MARCO: variants seen among roughly 807,000 people sequenced by gnomAD.
The protein encoded by MARCO is macrophage receptor with collagenous structure, also known as macrophage receptor MARCO.
MARCO carries 72 observed loss-of-function variants against 70.0 expected under a neutral mutation model. That is an observed-to-expected ratio of 1.03 (90% CI 0.85 to 1.25). The LOEUF (loss-of-function observed/expected upper bound fraction) is 1.25, where lower values mean the gene tolerates loss of function less well. Among genes scored for constraint, MARCO ranks in the 50% most tolerant of loss-of-function variants. MARCO has a pLI of 0.00. For synonymous variants in MARCO, 273 were observed against 243.1 expected, an observed-to-expected ratio of 1.12 and a Z score of -1.14; for missense variants, 696 against 659.3, an observed-to-expected ratio of 1.06 and a Z score of -0.61.
chr2:118,945,573 C>T (rs1343619535), intron 1 of MARCO, among the ~76,000 whole-genome samples: 7 of 151,904 alleles, frequency 4.6e-5, no homozygotes, highest in Non-Finnish European at 7.4e-5. Context: ...CCACCATGCC[C>T]GGCTAACTTT....
At chr2:118,994,291 C>A in intron 16 of MARCO, 96 bp from the exon 17 acceptor site, 1 of 1,372,242 alleles carries the variant, frequency 7.3e-7, no homozygotes, top group South Asian at 1.2e-5. Context: ...GTCGGCAGTC[C>A]ACCTCAGATG....
At chr2:118,945,404 C>CTTTTTTTTTTT (rs55684033) in intron 1 of MARCO, among the ~76,000 whole-genome samples, 1 of 123,066 alleles carries the variant, frequency 8.1e-6, no homozygotes, top group Non-Finnish European at 1.7e-5. Flanking sequence ...CCTCTTGTTT[C>CTTTTTTTTTTT]TTTTTTTTTT....
intron 8 of MARCO, among the ~76,000 whole-genome samples, chr2:118,980,501 G>T (rs1187458500): frequency 6.6e-6 from 1 of 152,182 alleles, no homozygotes; most frequent in South Asian, 2.1e-4. Context: ...GAGAAGGCTG[G>T]TGTCATGCCT....
intron 12 of MARCO, among the ~76,000 whole-genome samples, chr2:118,989,274 G>C (rs1680578388): frequency 1.3e-5 from 2 of 152,174 alleles, no homozygotes; most frequent in African/African-American, 2.4e-5. Context: ...CCCTGTGTAA[G>C]CTGGGGCCTG....
In MARCO at chr2:118,974,396, C is replaced by G. The variant is rs142474543; in HGVS notation, c.524C>G (p.Ala175Gly). The change falls in exon 5 of 17, where the codon GCT (alanine) becomes GGT (glycine). Residue 175 changes from alanine (A) to glycine (G), a missense_variant. Ala to Gly is a moderately conservative substitution (Grantham distance 60). Around this residue, in one of 3 missense-constraint regions of MARCO, gnomAD observed 605 missense variants for 537.6 expected, o/e 1.13. Transcript: ENST00000327097. ...GCCCCTGGCCCGCCGGGACCACCTG[C>G]TGAGAAGGGAGCCAAGGGGGCTATG... Reference protein sequence around the residue: ...PGAPGPPGPPAEKGAKGAMGR... With the variant: ...PGAPGPPGPPGEKGAKGAMGR... 8.1e-6 allele frequency: 13 copies of G among 1,612,452 alleles called. No homozygotes were observed. The highest frequency in any genetic ancestry group is 1.1e-5 in the Non-Finnish European group (13 of 1,179,498).
intron 4 of MARCO, among the ~76,000 whole-genome samples, chr2:118,973,542 C>A (rs1016111057): frequency 6.6e-6 from 1 of 152,216 alleles, no homozygotes; most frequent in Non-Finnish European, 1.5e-5. Context: ...CCCTTTCCCA[C>A]CCAGGGAGGC....
intron 12 of MARCO, among the ~76,000 whole-genome samples, chr2:118,983,736 G>C (rs960606294): frequency 2.0e-5 from 3 of 151,856 alleles, no homozygotes; most frequent in African/African-American, 7.3e-5. Context: ...TCTTGCCCCT[G>C]AGCCTTCTGT....
At chr2:118,972,331 T>C (rs902396432) in intron 4 of MARCO, among the ~76,000 whole-genome samples, 1 of 152,210 alleles carries the variant, frequency 6.6e-6, no homozygotes, top group Non-Finnish European at 1.5e-5. Context: ...ATACATGCCA[T>C]TTTTGGGACA....
intron 1 of MARCO, among the ~76,000 whole-genome samples, chr2:118,968,916 A>G (rs1680108302): frequency 6.6e-6 from 1 of 152,260 alleles, no homozygotes; most frequent in South Asian, 2.1e-4. Flanking sequence ...CTTTTCCAGC[A>G]AATGATATAT....
Position 118,942,251 on chromosome 2 carries a change from G to A in MARCO, c.-50G>A, listed in dbSNP as rs1326073833. 2 of 1,240,422 alleles carry A rather than the reference G, an allele frequency of 1.6e-6. No homozygotes were observed. The highest frequency in any genetic ancestry group is 1.5e-5 in the African/African-American group (1 of 67,428). The allele number at this position is 1,240,422 out of a possible 1,614,324, so 76.8% of individuals were successfully genotyped here. A position where few individuals can be genotyped will look rare whatever the true frequency, so the allele number is the denominator to read the frequency against. On this transcript the variant is annotated 5_prime_UTR_variant, in exon 1 of 17. Transcript: ENST00000327097. ...CTTTCTCCAAGTGGTTCCTCTTGAG[G>A]GGAGCATTTCTGCTGGCTCCAGGAC...
At chr2:118,986,726 G>GAAAGAAAGAAAGAAAGA (rs1680522216) in intron 12 of MARCO, among the ~76,000 whole-genome samples, 4 of 107,814 alleles carry the variant, frequency 3.7e-5, no homozygotes, top group African/African-American at 1.8e-4. Flanking sequence ...AGAAAGAAAA[G>GAAAGAAAGAAAGAAAGA]AAAGAAAGAA....
At chr2:118,989,131 G>A (rs1006827832) in intron 12 of MARCO, among the ~76,000 whole-genome samples, 4 of 152,194 alleles carry the variant, frequency 2.6e-5, no homozygotes, top group African/African-American at 9.7e-5. Context: ...TCTTGTCTTG[G>A]GCGAGGGAGA....
intron 1 of MARCO, among the ~76,000 whole-genome samples, chr2:118,950,737 A>C (rs567930809): frequency 6.6e-6 from 1 of 152,260 alleles, no homozygotes; most frequent in East Asian, 1.9e-4. Context: ...CAACCAGTTA[A>C]TTTATTTTAG....
In MARCO at chr2:118,957,244, T is replaced by C. The variant is rs1050440552; in HGVS notation, c.98-11916T>C. Among the ~76,000 whole-genome samples the C allele has an allele frequency of 1.6e-4, 25 of 151,822 alleles. No homozygotes were observed. In the South Asian group the frequency reaches 4.6e-3, roughly 28 times the overall value. ...CAAAATTGATAGACCGTTAACAAGA[T>C]AAACGAAGGAAAGAAGAGAGAAAAA... On this transcript the variant is annotated intron_variant, in intron 1 of 16. Coordinates refer to ENST00000327097, the MANE Select transcript of MARCO (RefSeq NM_006770.4).
chr2:118,954,396 C>A (rs1053501486), intron 1 of MARCO, among the ~76,000 whole-genome samples: 1 of 152,188 alleles, frequency 6.6e-6, no homozygotes, highest in African/African-American at 2.4e-5. Flanking sequence ...CCCTATCCCC[C>A]ACGGCAGCTG....
chr2:118,956,158 T>C (rs1193361049), intron 1 of MARCO, among the ~76,000 whole-genome samples: 1 of 152,180 alleles, frequency 6.6e-6, no homozygotes, highest in Non-Finnish European at 1.5e-5. Context: ...TAGCATTAAA[T>C]ATAAATGGCC....
rs1182711217 is a variant in MARCO, at chr2:118,977,973, G to A, written c.766+38G>A. The A allele has an allele frequency of 2.8e-5, 40 of 1,438,004 alleles. No homozygotes were observed. In the Middle Eastern group the frequency reaches 5.5e-4, roughly 20 times the overall value. The allele number at this position is 1,438,004 out of a possible 1,614,324, so 89.1% of individuals were successfully genotyped here. A position where few individuals can be genotyped will look rare whatever the true frequency, so the allele number is the denominator to read the frequency against. On this transcript the variant is annotated intron_variant, in intron 8 of 16. Coordinates refer to ENST00000327097, the MANE Select transcript of MARCO (RefSeq NM_006770.4). Reference sequence around the variant, plus strand: ...TTGGGGGTGTCGGTGCTTGCCAGGAGGCCTGAGGGAACTAGGGCCTGACCT... The same window carrying A: ...TTGGGGGTGTCGGTGCTTGCCAGGAAGCCTGAGGGAACTAGGGCCTGACCT...
chr2:118,986,690 AAAG>A (rs770455762), intron 12 of MARCO, among the ~76,000 whole-genome samples: 1 of 88,770 alleles, frequency 1.1e-5, no homozygotes, highest in Non-Finnish European at 2.2e-5. Context: ...AGAAAGAAAG[AAAG>A]AAAGAAAGAA....
intron 8 of MARCO, 32 bp from the exon 9 acceptor site, chr2:118,981,377 C>A: frequency 6.8e-7 from 1 of 1,464,940 alleles, no homozygotes; most frequent in Non-Finnish European, 9.4e-7. Flanking sequence ...GGAGTTCCTC[C>A]CACAACTAAC....
Sources: gnomAD v4.1 joint callset for allele counts (sites outside exome capture counted in the v4.1 genomes callset) on GRCh38, gnomAD v4.1.1 for gene constraint, gnomAD v4.1.1 regional missense constraint, MANE v1.5 for transcripts, NCBI Gene and HGNC (gene_info 2026-07-23, HGNC 2026-07-21) for gene names.